The following WNK2 variants were observed in gnomAD, a reference collection of about 807,000 sequenced individuals.
The protein encoded by WNK2 is WNK lysine deficient protein kinase 2, also known as serine/threonine-protein kinase WNK2.
In WNK2, 67 loss-of-function variants were observed where a neutral mutation model predicts 192.1. The ratio of observed to expected loss-of-function variants is 0.35; its 90% confidence interval spans 0.29 to 0.43. WNK2 has a LOEUF of 0.43. Among genes scored for constraint, WNK2 ranks in the 20% least tolerant of loss-of-function variants. WNK2 has a pLI of 1.00. For synonymous variants in WNK2, 1,439 were observed against 1,393.9 expected (o/e 1.03, Z -0.72); for missense variants, 2,698 against 3,089.7 (o/e 0.87, Z 3.01).
chr9:93,202,854 C>T (rs1030702146), intron 2 of WNK2, among the ~76,000 whole-genome samples: 19 of 152,064 alleles, frequency 1.2e-4, no homozygotes, highest in African/African-American at 4.3e-4. Context: ...GCTGGAAGGC[C>T]GGCTTGGAAG....
chr9:93,227,908 A>G (rs1461200180), intron 2 of WNK2, among the ~76,000 whole-genome samples: 1 of 152,242 alleles, frequency 6.6e-6, no homozygotes, highest in Admixed American at 6.5e-5. Context: ...TCTTATTTCT[A>G]AAACACTGAG....
intron 16 of WNK2, among the ~76,000 whole-genome samples, chr9:93,266,749 G>T (rs901809802): frequency 4.6e-5 from 7 of 152,218 alleles, no homozygotes. Flanking sequence ...AGTGTGGAGC[G>T]CAGAGGAGCT....
chr9:93,272,815 A>G (rs941592754), intron 19 of WNK2, among the ~76,000 whole-genome samples: 5 of 145,616 alleles, frequency 3.4e-5, no homozygotes, highest in African/African-American at 1.2e-4. Context: ...ATTAAAAAAC[A>G]GAGAGAAAAA....
chr9:93,211,886 A>ATC (rs1834841887), intron 2 of WNK2, among the ~76,000 whole-genome samples: 1 of 146,244 alleles, frequency 6.8e-6, no homozygotes, highest in African/African-American at 2.6e-5. Flanking sequence ...TCACACACTC[A>ATC]CACATTTACT....
chr9:93,196,412 A>G (rs1027026240), intron 2 of WNK2, among the ~76,000 whole-genome samples: 1 of 152,206 alleles, frequency 6.6e-6, no homozygotes, highest in African/African-American at 2.4e-5. Context: ...CAGCAACATC[A>G]GCTGGGACAT....
At chr9:93,190,955 G>A (rs1238577601) in intron 2 of WNK2, among the ~76,000 whole-genome samples, 2 of 152,206 alleles carry the variant, frequency 1.3e-5, no homozygotes, top group East Asian at 3.9e-4. Context: ...CTTACAGCAA[G>A]GGAGACAAAG....
intron 29 of WNK2, chr9:93,319,452 A>G (rs1478439520): frequency 6.1e-5 from 59 of 973,908 alleles, no homozygotes; most frequent in Non-Finnish European, 6.8e-5. Context: ...CTGGGCCCCG[A>G]GCACGGTCAG....
rs1841852636 is a variant in WNK2, at chr9:93,247,100, A to G, written c.1543-443A>G. ...AAACGCATGTCCTTCCTCCATCTGC[A>G]ACTCGGGTGTGGCCCCGTTCCCCAT... is the stretch of plus-strand genomic sequence containing the variant. On this transcript the variant is annotated intron_variant, in intron 7 of 29. Transcript: ENST00000427277. The surrounding 1 kb of genome is among the most constrained non-coding windows in gnomAD (Gnocchi z 5.2). 6.6e-6 allele frequency among the ~76,000 whole-genome samples: 1 copy of G among 152,234 alleles called. No homozygotes were observed. Among genetic ancestry groups the G allele is most frequent in the Non-Finnish European group, 1.5e-5 (1 of 68,046 alleles).
At chr9:93,274,658 T>C (rs1236425608) in intron 19 of WNK2, among the ~76,000 whole-genome samples, 1 of 152,216 alleles carries the variant, frequency 6.6e-6, no homozygotes, top group Non-Finnish European at 1.5e-5. Flanking sequence ...TTAAACAATT[T>C]AGGTGAAAGA....
At position 93,263,917 on chromosome 9, in the gene WNK2, G is replaced by A; in HGVS notation, c.3580G>A (p.Val1194Met). ...ASRPRLTILN[V>M]CNTGDKMVEC... ...TGGGTGCTGATGCTGCCCCTTCCAG[G>A]TGTGCAACACTGGGGACAAGATGGT... is the stretch of plus-strand genomic sequence containing the variant. The change falls in exon 16 of 30, where the codon GTG becomes ATG. Residue 1194 changes from valine (V) to methionine (M), a missense_variant and splice_region_variant. Val to Met is a conservative substitution (Grantham distance 21). Coordinates refer to ENST00000427277, the MANE Select transcript of WNK2 (RefSeq NM_006648.4). 2.5e-6 allele frequency: 4 copies of A among 1,611,950 alleles called. No homozygotes were observed.
In WNK2 at chr9:93,297,950, T is replaced by C. The variant is rs1452854646; in HGVS notation, c.5806T>C (p.Phe1936Leu). The C allele has an allele frequency of 6.3e-7, 1 of 1,584,568 alleles. No homozygotes were observed. Among genetic ancestry groups the C allele is most frequent in the Admixed American group, 1.8e-5 (1 of 55,908 alleles). ...CAAGCCACTGCCCCCCAACGTGGGC[T>C]TCTTCCACACGGCACCCCCCACTGG... The part of the protein sequence containing the change: ...LGKPLPPNVG[F>L]FHTAPPTGRR... Residue 1936 changes from phenylalanine to leucine, a missense_variant, in exon 24 of 30, where the codon TTC (phenylalanine) becomes CTC (leucine). Around this residue, in one of 7 missense-constraint regions of WNK2, gnomAD observed 1,098 missense variants for 1,101.0 expected, o/e 1.00. Coordinates refer to ENST00000427277, the MANE Select transcript of WNK2 (RefSeq NM_006648.4).
At chr9:93,319,578 C>T (rs1855254219) in intron 29 of WNK2, among the ~76,000 whole-genome samples, 1 of 152,254 alleles carries the variant, frequency 6.6e-6, no homozygotes, top group African/African-American at 2.4e-5. Flanking sequence ...CAGCGAGACA[C>T]ACCTGCAGCC....
chr9:93,241,634 G>A (rs1840783186), intron 7 of WNK2, among the ~76,000 whole-genome samples: 1 of 152,020 alleles, frequency 6.6e-6, no homozygotes, highest in Admixed American at 6.5e-5. Flanking sequence ...GGTCTGACTC[G>A]GGTGTGGAAA....
chr9:93,220,798 C>T (rs956426364), intron 2 of WNK2, among the ~76,000 whole-genome samples: 13 of 152,128 alleles, frequency 8.5e-5, no homozygotes, highest in Middle Eastern at 3.2e-3. Context: ...CCTGCCTGCC[C>T]GTGCTGCCCC....
At chr9:93,189,136 C>G (rs1180442515) in intron 2 of WNK2, among the ~76,000 whole-genome samples, 1 of 152,162 alleles carries the variant, frequency 6.6e-6, no homozygotes, top group Non-Finnish European at 1.5e-5. Context: ...CCTGTTTCTG[C>G]TGTGTCTCCC....
intron 7 of WNK2, among the ~76,000 whole-genome samples, chr9:93,242,809 G>A (rs547342644): frequency 6.6e-6 from 1 of 152,362 alleles, no homozygotes; most frequent in South Asian, 2.1e-4. Flanking sequence ...TGACCTTGCA[G>A]GGAGTTACCT....
intron 29 of WNK2, chr9:93,319,077 GA>G: frequency 2.5e-6 from 4 of 1,613,098 alleles, no homozygotes; most frequent in Non-Finnish European, 3.4e-6. Context: ...CCTGTTCCTT[GA>G]GTGAAGTGGG....
rs1451948886 is a variant in WNK2, at chr9:93,308,490, A to C, written c.6422A>C (p.Gln2141Pro). The C allele has an allele frequency of 6.2e-7, 1 of 1,608,790 alleles. No individual in the cohort carries two copies. The highest frequency in any genetic ancestry group is 1.7e-5 in the Admixed American group (1 of 59,510). Reference protein sequence around the residue: ...EWTSKTVGAAQLKPTLNQLKQ... With the variant: ...EWTSKTVGAAPLKPTLNQLKQ... ...ACGAGCAAGACGGTGGGGGCCGCGC[A>C]GCTGAAGCCCACGCTCAACCAGCTG... is the stretch of plus-strand genomic sequence containing the variant. The change falls in exon 28 of 30, where the codon CAG (glutamine) becomes CCG (proline). Residue 2141 changes from glutamine (Q) to proline (P), a missense_variant. Physicochemically the swap from Gln to Pro is moderately conservative, Grantham distance 76 (BLOSUM62 -1). Around this residue, in one of 7 missense-constraint regions of WNK2, gnomAD observed 167 missense variants for 184.2 expected, o/e 0.91. Coordinates refer to ENST00000427277, the MANE Select transcript of WNK2 (RefSeq NM_006648.4).
At position 93,203,508 on chromosome 9, in the gene WNK2, C is replaced by T. The variant is rs897721504; in HGVS notation, c.681+17898C>T. ...GTTGGGAGGGAGCCTGTGGGAGTGGCTGCGGGGTCCAGGCCGGGGGCACAG... is the reference window on the plus strand; with the variant it reads ...GTTGGGAGGGAGCCTGTGGGAGTGGTTGCGGGGTCCAGGCCGGGGGCACAG... On this transcript the variant is annotated intron_variant, in intron 2 of 29. Transcript: ENST00000427277. Among the ~76,000 whole-genome samples the T allele has an allele frequency of 1.6e-4, 24 of 152,272 alleles. 1 individual carries two copies. In the Middle Eastern group the frequency reaches 0.014, roughly 86 times the overall value.
Sources: gnomAD v4.1 joint callset for allele counts (sites outside exome capture counted in the v4.1 genomes callset) on GRCh38, gnomAD v4.1.1 for gene constraint, gnomAD v4.1.1 regional missense constraint, Gnocchi (gnomAD v3.1) non-coding constraint, MANE v1.5 for transcripts, NCBI Gene and HGNC (gene_info 2026-07-23, HGNC 2026-07-21) for gene names.